Variants in LHFPL3 observed in about 807,000 individuals in gnomAD.
LHFPL3 encodes LHFPL tetraspan subfamily member 3.
Under a neutral mutation model 19.3 loss-of-function variants are expected in LHFPL3, and 5 were observed. The ratio of observed to expected loss-of-function variants is 0.26; its 90% confidence interval spans 0.14 to 0.54. The LOEUF (loss-of-function observed/expected upper bound fraction) is 0.54, where lower values mean the gene tolerates loss of function less well. LHFPL3 is among the 20% of genes least tolerant of loss of function. The probability of loss-of-function intolerance (pLI) is 0.94; values close to 1 mark genes in which losing one functional copy is unlikely to be tolerated. For missense variants in LHFPL3, 249 were observed against 307.4 expected (o/e 0.81, Z 1.42); for synonymous variants, 133 against 126.2 (o/e 1.05, Z -0.36).
At chr7:104,414,913 G>T (rs1425244691) in intron 1 of LHFPL3, among the ~76,000 whole-genome samples, 1 of 152,170 alleles carries the variant, frequency 6.6e-6, no homozygotes, top group Non-Finnish European at 1.5e-5. Flanking sequence ...GGATTGCTGA[G>T]GATGTGTTTG....
chr7:104,563,447 A>T (rs1461931800), intron 1 of LHFPL3, among the ~76,000 whole-genome samples: 2 of 152,304 alleles, frequency 1.3e-5, no homozygotes, highest in Non-Finnish European at 2.9e-5. Flanking sequence ...CCGATTTTCC[A>T]GGTGCCATCC....
chr7:104,530,807 T>A (rs1476400707), intron 1 of LHFPL3, among the ~76,000 whole-genome samples: 1 of 152,216 alleles, frequency 6.6e-6, no homozygotes, highest in East Asian at 1.9e-4. Context: ...ATTGCAATGA[T>A]AAACATTCTT....
intron 1 of LHFPL3, among the ~76,000 whole-genome samples, chr7:104,678,519 A>G (rs536644587): frequency 1.3e-5 from 2 of 152,158 alleles, no homozygotes; most frequent in South Asian, 4.1e-4. Context: ...TTCCTGGCCA[A>G]ACTTGGTGTG....
chr7:104,598,658 C>T (rs1790909959), intron 1 of LHFPL3, among the ~76,000 whole-genome samples: 1 of 152,156 alleles, frequency 6.6e-6, no homozygotes, highest in Non-Finnish European at 1.5e-5. Flanking sequence ...CAGAAAAACA[C>T]CAGAGAAAGC....
intron 1 of LHFPL3, among the ~76,000 whole-genome samples, chr7:104,511,435 T>C (rs1296801628): frequency 6.6e-6 from 1 of 152,150 alleles, no homozygotes; most frequent in Non-Finnish European, 1.5e-5. Flanking sequence ...AACATGCAAT[T>C]ACTATAGGAT....
intron 1 of LHFPL3, among the ~76,000 whole-genome samples, chr7:104,567,035 G>A (rs191939700): frequency 1.3e-5 from 2 of 152,222 alleles, no homozygotes; most frequent in South Asian, 4.1e-4. Flanking sequence ...GGCTTCATTT[G>A]CAAAGCTTCT....
At chr7:104,618,734 A>G (rs184227346) in intron 1 of LHFPL3, among the ~76,000 whole-genome samples, 14 of 152,340 alleles carry the variant, frequency 9.2e-5, no homozygotes, top group Non-Finnish European at 5.9e-5. Flanking sequence ...AAGGAAGGGT[A>G]ATGTGAAACT....
At chr7:104,359,612 G>A (rs1293873452) in intron 1 of LHFPL3, among the ~76,000 whole-genome samples, 2 of 152,204 alleles carry the variant, frequency 1.3e-5, no homozygotes, top group African/African-American at 4.8e-5. Flanking sequence ...GAAACCATAA[G>A]CAGCTTTAAT....
At chr7:104,544,856 C>A (rs1010218386) in intron 1 of LHFPL3, among the ~76,000 whole-genome samples, 24 of 151,952 alleles carry the variant, frequency 1.6e-4, no homozygotes, top group Non-Finnish European at 1.0e-4. Context: ...CAAAGCTGAC[C>A]CCGGAGAAAC....
intron 2 of LHFPL3, chr7:104,800,145 A>C (rs1790216264): frequency 6.6e-6 from 1 of 152,324 alleles, no homozygotes; most frequent in African/African-American, 2.4e-5. Flanking sequence ...CTTAAACCTA[A>C]GGCTAATGTT....
At chr7:104,482,868 A>G (rs1793162532) in intron 1 of LHFPL3, among the ~76,000 whole-genome samples, 1 of 152,236 alleles carries the variant, frequency 6.6e-6, no homozygotes, top group Non-Finnish European at 1.5e-5. Flanking sequence ...CTGAGAAGAT[A>G]TGCTCAGCAT....
chr7:104,438,787 G>A (rs551564198), intron 1 of LHFPL3, among the ~76,000 whole-genome samples: 1 of 151,334 alleles, frequency 6.6e-6, no homozygotes, highest in East Asian at 1.9e-4. Flanking sequence ...ACAAACAGCA[G>A]AGAAATTTAA....
chr7:104,399,602 C>T lies in LHFPL3; in HGVS notation c.445+70378C>T, dbSNP rs1427893145. Among the ~76,000 whole-genome samples, 1 of 150,950 alleles carries T rather than the reference C, an allele frequency of 6.6e-6. No individual in the cohort carries two copies. The highest frequency in any genetic ancestry group is 1.5e-5 in the Non-Finnish European group (1 of 67,788). ...TCAGCCTCCCAAGTAGCTGAGATTACAAGCACCTGCCACCACACCGGGCTA... is the reference window on the plus strand; with the variant it reads ...TCAGCCTCCCAAGTAGCTGAGATTATAAGCACCTGCCACCACACCGGGCTA... On this transcript the variant is annotated intron_variant, in intron 1 of 2. Coordinates refer to ENST00000424859, the MANE Select transcript of LHFPL3 (RefSeq NM_199000.3). This position sits in a 1 kb window ranked among gnomAD's most constrained non-coding sequence, Gnocchi z 4.4.
intron 1 of LHFPL3, among the ~76,000 whole-genome samples, chr7:104,707,404 C>A (rs1793212693): frequency 6.6e-6 from 1 of 152,176 alleles, no homozygotes; most frequent in South Asian, 2.1e-4. Context: ...AAAATTGGGA[C>A]CTTCTAGGAA....
chr7:104,450,781 T>C (rs1218203180), intron 1 of LHFPL3, among the ~76,000 whole-genome samples: 1 of 151,930 alleles, frequency 6.6e-6, no homozygotes, highest in Non-Finnish European at 1.5e-5. Context: ...GACAAATATC[T>C]AATGTGATCT....
chr7:104,578,659 C>T (rs1790394802), intron 1 of LHFPL3, among the ~76,000 whole-genome samples: 1 of 152,200 alleles, frequency 6.6e-6, no homozygotes, highest in Non-Finnish European at 1.5e-5. Flanking sequence ...AGCCTGCCCA[C>T]CTGTGCACCC....
At chr7:104,573,143 T>A (rs182823209) in intron 1 of LHFPL3, among the ~76,000 whole-genome samples, 4 of 152,332 alleles carry the variant, frequency 2.6e-5, no homozygotes, top group Admixed American at 1.3e-4. Flanking sequence ...CCAGGTGCAG[T>A]GGCTCATGCC....
At chr7:104,658,463 G>A (rs1189921674) in intron 1 of LHFPL3, among the ~76,000 whole-genome samples, 1 of 152,056 alleles carries the variant, frequency 6.6e-6, no homozygotes, top group Non-Finnish European at 1.5e-5. Context: ...AATTCCTATA[G>A]ATTGCATCAG....
chr7:104,823,224 G>T (rs928626750), intron 2 of LHFPL3, among the ~76,000 whole-genome samples: 5 of 152,164 alleles, frequency 3.3e-5, no homozygotes, highest in Non-Finnish European at 5.9e-5. Context: ...ATCTTCCATT[G>T]CCAAATTCTT....
Sources: gnomAD v4.1 joint callset for allele counts (sites outside exome capture counted in the v4.1 genomes callset) on GRCh38, gnomAD v4.1.1 for gene constraint, Gnocchi (gnomAD v3.1) non-coding constraint, MANE v1.5 for transcripts, NCBI Gene and HGNC (gene_info 2026-07-23, HGNC 2026-07-21) for gene names.